The following ARL15 variants were observed in gnomAD, a reference collection of about 807,000 sequenced individuals.
ARL15 encodes ADP-ribosylation factor-like protein 15.
A neutral mutation model predicts 25.2 loss-of-function variants in ARL15; 19 were observed. The ratio of observed to expected loss-of-function variants is 0.75; its 90% CI spans 0.53 to 1.10. The LOEUF is 1.10. ARL15 is among the 50% of genes least tolerant of loss of function. The probability of loss-of-function intolerance (pLI) is 0.00; values close to 1 mark genes in which losing one functional copy is unlikely to be tolerated. For missense variants in ARL15, 220 were observed against 246.0 expected (o/e 0.89, Z 0.71); for synonymous variants, 94 against 86.8 (o/e 1.08, Z -0.46).
intron 1 of ARL15, chr5:54,282,307 C>A: frequency 2.0e-6 from 2 of 985,420 alleles, no homozygotes; most frequent in South Asian, 9.4e-5. Flanking sequence ...CAAATGAGAT[C>A]TGGATGCATT....
In ARL15 at chr5:54,143,631, C is replaced by A. The variant is rs555528517; in HGVS notation, c.253+10949G>T. On this transcript the variant is annotated intron_variant, in intron 3 of 4. Coordinates refer to ENST00000504924, the MANE Select transcript of ARL15 (RefSeq NM_019087.3). The stretch of plus-strand genomic sequence containing the variant: ...CACAACTTTTTTGATTGTTTTATTT[C>A]TTTCTTTCTTGAACTTTGCTAAATG... Among the ~76,000 whole-genome samples the A allele has an allele frequency of 5.9e-5, 9 of 151,744 alleles. No individual in the cohort carries two copies. In the South Asian group the frequency reaches 1.5e-3, roughly 25 times the overall value.
At chr5:54,001,214 C>T (rs893067505) in intron 4 of ARL15, among the ~76,000 whole-genome samples, 9 of 152,166 alleles carry the variant, frequency 5.9e-5, no homozygotes, top group Non-Finnish European at 1.3e-4. Flanking sequence ...CAGTAATCCA[C>T]CCTCCCTTTT....
chr5:54,053,716 T>C (rs546359972), intron 4 of ARL15, among the ~76,000 whole-genome samples: 1 of 152,248 alleles, frequency 6.6e-6, no homozygotes, highest in Non-Finnish European at 1.5e-5. Context: ...AGGCGCTCTA[T>C]AAAATACCTG....
intron 1 of ARL15, among the ~76,000 whole-genome samples, chr5:54,225,810 A>G (rs559698080): frequency 7.2e-5 from 11 of 152,298 alleles, no homozygotes; most frequent in African/African-American, 2.6e-4. Context: ...GGAAATACAG[A>G]CAAAGGTTCA....
intron 4 of ARL15, among the ~76,000 whole-genome samples, chr5:53,926,991 A>G (rs1746052399): frequency 6.6e-6 from 1 of 151,572 alleles, no homozygotes; most frequent in Non-Finnish European, 1.5e-5. Context: ...TAGCCCCAAT[A>G]TCTTCCTCCG....
At chr5:54,212,115 T>C (rs1756060347) in intron 1 of ARL15, among the ~76,000 whole-genome samples, 1 of 151,324 alleles carries the variant, frequency 6.6e-6, no homozygotes, top group Non-Finnish European at 1.5e-5. Context: ...ATTACTCAAC[T>C]CTGTCATAGC....
chr5:54,021,877 G>T (rs1417082942), intron 4 of ARL15, among the ~76,000 whole-genome samples: 1 of 152,074 alleles, frequency 6.6e-6, no homozygotes, highest in African/African-American at 2.4e-5. Flanking sequence ...CAAAGAAAAA[G>T]CTTCAAAGCA....
At chr5:53,936,369 C>A (rs961802669) in intron 4 of ARL15, among the ~76,000 whole-genome samples, 1 of 152,196 alleles carries the variant, frequency 6.6e-6, no homozygotes, top group Non-Finnish European at 1.5e-5. Flanking sequence ...TGCTCAAGGT[C>A]ACATGGCTAG....
intron 2 of ARL15, 59 bp downstream of exon 2, chr5:54,171,725 A>T: frequency 1.3e-6 from 2 of 1,542,908 alleles, no homozygotes; most frequent in Non-Finnish European, 1.8e-6. Context: ...ATTGCACAGG[A>T]AACTAGGACA....
At chr5:54,038,736 A>G (rs1750245013) in intron 4 of ARL15, among the ~76,000 whole-genome samples, 1 of 152,170 alleles carries the variant, frequency 6.6e-6, no homozygotes, top group South Asian at 2.1e-4. Context: ...ATATATATAT[A>G]TATATGATTC....
intron 1 of ARL15, among the ~76,000 whole-genome samples, chr5:54,176,009 C>G (rs190892366): frequency 1.2e-4 from 18 of 152,246 alleles, no homozygotes; most frequent in Admixed American, 8.5e-4. Flanking sequence ...TGGTTTCAAT[C>G]ATATAACCGA....
At chr5:54,147,322 T>C (rs1046097023) in intron 3 of ARL15, among the ~76,000 whole-genome samples, 10 of 152,300 alleles carry the variant, frequency 6.6e-5, no homozygotes, top group African/African-American at 2.4e-4. Flanking sequence ...CCACCATCTA[T>C]TCTTAAAGCA....
intron 4 of ARL15, among the ~76,000 whole-genome samples, chr5:53,954,431 A>G (rs1023034009): frequency 1.3e-5 from 2 of 152,206 alleles, no homozygotes; most frequent in African/African-American, 2.4e-5. Context: ...TAAGGTAATT[A>G]CTTTCTAAGA....
chr5:54,154,771 AAC>A lies in ARL15; in HGVS notation c.194-134_194-133del, dbSNP rs547628193. ...TTTTGTAGCTGATATTTATACTAGAAACACATAATTTCCAAGGTAAACTGATA... is the reference window on the plus strand; with the variant it reads ...TTTTGTAGCTGATATTTATACTAGAAACATAATTTCCAAGGTAAACTGATA... On this transcript the variant is annotated intron_variant, in intron 2 of 4. Coordinates refer to ENST00000504924, the MANE Select transcript of ARL15 (RefSeq NM_019087.3). The A allele has an allele frequency of 5.9e-4, 335 of 570,456 alleles. 10 individuals are homozygous for A. In the Middle Eastern group the frequency reaches 9.3e-3, roughly 16 times the overall value. The allele number at this position is 570,456 out of a possible 1,614,324, so 35.3% of individuals were successfully genotyped here.
intron 4 of ARL15, among the ~76,000 whole-genome samples, chr5:54,078,322 C>G (rs34261832): frequency 1.3e-5 from 2 of 152,022 alleles, no homozygotes; most frequent in Non-Finnish European, 2.9e-5. Context: ...AGTGTAGAAC[C>G]CAGGACAAGT....
chr5:54,038,054 C>G (rs58707639), intron 4 of ARL15, among the ~76,000 whole-genome samples: 1 of 151,948 alleles, frequency 6.6e-6, no homozygotes, highest in African/African-American at 2.4e-5. Flanking sequence ...ACTTTAATTG[C>G]CAACTGTATA....
intron 1 of ARL15, among the ~76,000 whole-genome samples, chr5:54,262,800 C>T (rs1005652946): frequency 6.6e-6 from 1 of 152,074 alleles, no homozygotes; most frequent in Non-Finnish European, 1.5e-5. Flanking sequence ...CAAAAAATTT[C>T]CATTTGTCTT....
intron 4 of ARL15, among the ~76,000 whole-genome samples, chr5:54,082,589 CAT>C (rs1324551642): frequency 6.6e-6 from 1 of 152,174 alleles, no homozygotes; most frequent in Non-Finnish European, 1.5e-5. Flanking sequence ...ACTAAAGACA[CAT>C]AATCTAATCA....
chr5:53,962,141 T>C (rs1163397727), intron 4 of ARL15, among the ~76,000 whole-genome samples: 2 of 152,200 alleles, frequency 1.3e-5, no homozygotes, highest in East Asian at 3.8e-4. Context: ...ATTTACAATG[T>C]TGACAGGTAT....
Sources: allele counts gnomAD v4.1 joint callset (sites outside exome capture counted in the v4.1 genomes callset), GRCh38; gene constraint gnomAD v4.1.1; transcripts MANE v1.5; gene names NCBI Gene and HGNC (gene_info 2026-07-23, HGNC 2026-07-21).